The following TBC1D23 variants were observed in gnomAD, a reference collection of about 807,000 sequenced individuals.
TBC1D23 encodes HCV non-structural protein 4A-transactivated protein 1.
In TBC1D23, 55 loss-of-function variants were observed where a neutral mutation model predicts 91.4. The ratio of observed to expected loss-of-function variants is 0.60; its 90% CI spans 0.48 to 0.75. The LOEUF (loss-of-function observed/expected upper bound fraction) is 0.75. Ranked by LOEUF, TBC1D23 falls within the 30% of genes least tolerant of loss-of-function variation. TBC1D23 has a pLI of 0.00. For synonymous variants in TBC1D23, 289 were observed against 281.0 expected (o/e 1.03, Z -0.28); for missense variants, 725 against 836.1 (o/e 0.87, Z 1.64).
intron 1 of TBC1D23, among the ~76,000 whole-genome samples, chr3:100,264,720 G>T (rs1298910532): frequency 6.6e-6 from 1 of 152,122 alleles, no homozygotes; most frequent in Non-Finnish European, 1.5e-5. Context: ...CATTGAACTT[G>T]TTGAAATTGT....
At chr3:100,261,268 C>T (rs538024800) in intron 1 of TBC1D23, 197 bp downstream of exon 1, 9 of 596,036 alleles carry the variant, frequency 1.5e-5, no homozygotes, top group Admixed American at 1.2e-4. Flanking sequence ...TGGGGCGGGA[C>T]TCCCAAGGAG....
chr3:100,264,297 C>T (rs186254078), intron 1 of TBC1D23, among the ~76,000 whole-genome samples: 1 of 151,344 alleles, frequency 6.6e-6, no homozygotes, highest in Admixed American at 6.6e-5. Flanking sequence ...TCTCTCCCCT[C>T]CCCCTCCCTC....
chr3:100,317,003 A>C (rs962976094), intron 16 of TBC1D23, among the ~76,000 whole-genome samples: 1 of 151,932 alleles, frequency 6.6e-6, no homozygotes, highest in African/African-American at 2.4e-5. Context: ...GAATCGCTTT[A>C]ACCCAGGAGG....
intron 15 of TBC1D23, 131 bp from the exon 16 acceptor site, chr3:100,315,968 T>C: frequency 1.5e-6 from 1 of 686,636 alleles, no homozygotes; most frequent in South Asian, 1.7e-5. Context: ...AAACTATGGG[T>C]AGTACATGGG....
Position 100,279,726 on chromosome 3 carries a change from C to T in TBC1D23, c.131C>T (p.Pro44Leu), listed in dbSNP as rs368445894. ...TTGAGAAATATAATTCAAGGAAGAC[C>T]GCTGCCTGCTGATCTGAGGGCCAAA... Reference protein sequence around the residue: ...ETLRNIIQGRPLPADLRAKVW... With the variant: ...ETLRNIIQGRLLPADLRAKVW... Residue 44 changes from proline to leucine, a missense_variant, in exon 2 of 19, where the codon CCG (proline) becomes CTG (leucine). Physicochemically the swap from Pro to Leu is moderately conservative, Grantham distance 98. Transcript: ENST00000394144. 6.5e-5 allele frequency: 105 copies of T among 1,605,314 alleles called. No individual in the cohort carries two copies. In the Middle Eastern group the frequency reaches 6.6e-4, roughly 10 times the overall value.
intron 4 of TBC1D23, among the ~76,000 whole-genome samples, chr3:100,285,508 C>G (rs1201691571): frequency 6.6e-6 from 1 of 152,082 alleles, no homozygotes; most frequent in Non-Finnish European, 1.5e-5. Flanking sequence ...ATTGTTTTCA[C>G]TTTTTTACTA....
chr3:100,299,187 A>T, intron 9 of TBC1D23, 52 bp from the exon 10 acceptor site: 1 of 1,165,274 alleles, frequency 8.6e-7, no homozygotes. Flanking sequence ...TATGTTGTGC[A>T]ATGTGAACCT....
intron 5 of TBC1D23, among the ~76,000 whole-genome samples, chr3:100,291,918 A>G (rs2067794862): frequency 6.6e-6 from 1 of 150,756 alleles, no homozygotes. Context: ...GGTGCCGGCC[A>G]CCATGCCCGG....
At chr3:100,322,012 T>C (rs757968572) in intron 18 of TBC1D23, among the ~76,000 whole-genome samples, 11 of 152,102 alleles carry the variant, frequency 7.2e-5, no homozygotes, top group Non-Finnish European at 1.3e-4. Context: ...AAATGTGATA[T>C]AGGCTTGTTT....
chr3:100,296,276 G>GT lies in TBC1D23; in HGVS notation c.876+2dup, dbSNP rs778417911. ...CAAAACACCGGCTTCTTTTAGGAAG[G>GT]TATAAGACCAGAAATGACCAACTAT... On this transcript the variant is annotated splice_donor_variant, in intron 8 of 18. Coordinates refer to ENST00000394144, the MANE Select transcript of TBC1D23 (RefSeq NM_001199198.3). LOFTEE classifies it high-confidence loss of function. The GT allele has an allele frequency of 2.8e-5, 44 of 1,544,374 alleles. No homozygotes were observed. Among genetic ancestry groups the GT allele is most frequent in the Non-Finnish European group, 3.8e-5 (43 of 1,126,790 alleles).
At chr3:100,297,650 A>G (rs982572277) in intron 8 of TBC1D23, among the ~76,000 whole-genome samples, 3 of 151,852 alleles carry the variant, frequency 2.0e-5, no homozygotes, top group Non-Finnish European at 4.4e-5. Flanking sequence ...TTAAAGTTCA[A>G]TATTAACTAC....
At chr3:100,303,672 G>A (rs895908021) in intron 11 of TBC1D23, among the ~76,000 whole-genome samples, 4 of 152,144 alleles carry the variant, frequency 2.6e-5, no homozygotes, top group Non-Finnish European at 5.9e-5. Flanking sequence ...TTGGGAGGCT[G>A]AGGCAGGAGA....
At chr3:100,318,257 C>G (rs1011320627) in intron 16 of TBC1D23, among the ~76,000 whole-genome samples, 2 of 151,518 alleles carry the variant, frequency 1.3e-5, no homozygotes, top group Non-Finnish European at 2.9e-5. Flanking sequence ...CTGTATTATC[C>G]CTTTCTTAAA....
chr3:100,273,752 A>T (rs2067622399), intron 1 of TBC1D23, among the ~76,000 whole-genome samples: 1 of 152,198 alleles, frequency 6.6e-6, no homozygotes, highest in African/African-American at 2.4e-5. Context: ...TAAACCTGAC[A>T]TAAGTAATGG....
chr3:100,263,046 T>C (rs1044203231), intron 1 of TBC1D23, among the ~76,000 whole-genome samples: 7 of 152,168 alleles, frequency 4.6e-5, no homozygotes, highest in African/African-American at 1.7e-4. Flanking sequence ...ACAGACTTTG[T>C]GTGAGCAATA....
intron 2 of TBC1D23, among the ~76,000 whole-genome samples, chr3:100,281,079 G>A (rs2067690090): frequency 6.6e-6 from 1 of 152,174 alleles, no homozygotes; most frequent in Non-Finnish European, 1.5e-5. Flanking sequence ...AGAATCACTT[G>A]AACCCGGGAG....
chr3:100,304,911 T>C, intron 12 of TBC1D23, 23 bp downstream of exon 12: 1 of 1,323,228 alleles, frequency 7.6e-7, no homozygotes, highest in Non-Finnish European at 1.1e-6. Context: ...TTTATTAGTT[T>C]TTTTCCTCTA....
rs1050306822 is a variant in TBC1D23 at position 100,261,031 on chromosome 3, G to A, written c.13G>A (p.Glu5Lys). MAEGEDVPPLPTSSG... is the reference protein window; with the variant it reads MAEGKDVPPLPTSSG... ...GACGTCAACAGCAATGGCGGAAGGA[G>A]AAGATGTGCCGCCGCTGCCAACGTC... is the stretch of plus-strand genomic sequence containing the variant. The change falls in exon 1 of 19, where the codon GAA becomes AAA. Residue 5 changes from glutamate to lysine, a missense_variant. Coordinates refer to ENST00000394144, the MANE Select transcript of TBC1D23 (RefSeq NM_001199198.3). 3.7e-6 allele frequency: 6 copies of A among 1,613,982 alleles called. No homozygotes were observed. The African/African-American group carries it at 6.7e-5, about 18-fold the overall frequency.
Position 100,281,816 on chromosome 3 carries a change from C to T in TBC1D23, c.240C>T (p.Asn80=). Reference sequence around the variant, plus strand: ...GTATTTTAGACTTGCCAGAACAGAACACTATTCACAAAGATTGCCTGCAGT... The same window carrying T: ...GTATTTTAGACTTGCCAGAACAGAATACTATTCACAAAGATTGCCTGCAGT... ...WDGILDLPEQ[N]TIHKDCLQFI... The change falls in exon 3 of 19, where the codon AAC becomes AAT. Residue 80 remains asparagine (N), a synonymous_variant. Transcript: ENST00000394144. 6.2e-7 allele frequency: 1 copy of T among 1,610,302 alleles called. No individual in the cohort carries two copies. The highest frequency in any genetic ancestry group is 8.5e-7 in the Non-Finnish European group (1 of 1,177,762).
Sources: allele counts gnomAD v4.1 joint callset (sites outside exome capture counted in the v4.1 genomes callset), GRCh38; gene constraint gnomAD v4.1.1; transcripts MANE v1.5; gene names NCBI Gene and HGNC (gene_info 2026-07-23, HGNC 2026-07-21).